The following SGCZ variants were observed in gnomAD, a reference collection of about 807,000 sequenced individuals.
SGCZ encodes zeta-sarcoglycan.
A neutral mutation model predicts 41.3 loss-of-function variants in SGCZ; 40 were observed. The observed-to-expected ratio is 0.97, with a 90% CI of 0.75 to 1.26. The LOEUF is 1.26. Among genes scored for constraint, SGCZ ranks in the 50% most tolerant of loss-of-function variants. The pLI, the probability that SGCZ is intolerant of heterozygous loss-of-function variation, is 0.00. For synonymous variants in SGCZ, 206 were observed against 137.5 expected, an observed-to-expected ratio of 1.50 and a Z score of -3.49; for missense variants, 552 against 369.8, an observed-to-expected ratio of 1.49 and a Z score of -4.04.
chr8:14,357,150 T>C (rs1803329207), intron 2 of SGCZ, among the ~76,000 whole-genome samples: 1 of 152,190 alleles, frequency 6.6e-6, no homozygotes, highest in African/African-American at 2.4e-5. Context: ...ATGTTGATAT[T>C]TTTCAAAAGA....
intron 3 of SGCZ, among the ~76,000 whole-genome samples, chr8:14,244,371 C>A (rs566095431): frequency 2.0e-5 from 3 of 152,166 alleles, no homozygotes; most frequent in Admixed American, 1.3e-4. Flanking sequence ...ATTCATCATC[C>A]CTGTGCCCAA....
intron 2 of SGCZ, among the ~76,000 whole-genome samples, chr8:14,343,960 T>C (rs1802803122): frequency 6.6e-6 from 1 of 152,082 alleles, no homozygotes; most frequent in Non-Finnish European, 1.5e-5. Context: ...AAAATAATTA[T>C]AATTCAAGTA....
intron 1 of SGCZ, among the ~76,000 whole-genome samples, chr8:14,654,051 G>A (rs187949842): frequency 5.9e-5 from 9 of 151,708 alleles, no homozygotes; most frequent in Non-Finnish European, 7.4e-5. Flanking sequence ...TATTATATTC[G>A]CAAAAGTTCC....
At chr8:15,129,657 G>C (rs7814258) in intron 1 of SGCZ, among the ~76,000 whole-genome samples, 16,790 of 141,210 alleles carry the variant, frequency 0.12, 1,018 homozygotes, top group Middle Eastern at 0.19. Flanking sequence ...AGGCGTGTAA[G>C]TGCACTCAAG....
chr8:14,508,730 T>C lies in SGCZ; in HGVS notation c.234+46002A>G, dbSNP rs554996826. ...ACTGGAACAGTAGCAACGTTGGTTG[T>C]CAAGTTTTAGACTAAATTAGTTTTA... On this transcript the variant is annotated intron_variant, in intron 2 of 7. Transcript: ENST00000382080. Among the ~76,000 whole-genome samples the C allele has an allele frequency of 1.1e-4, 16 of 152,314 alleles. No homozygotes were observed. The South Asian group carries it at 2.9e-3, about 28-fold the overall frequency.
At chr8:14,209,601 T>C (rs1373644546) in intron 4 of SGCZ, among the ~76,000 whole-genome samples, 1 of 152,178 alleles carries the variant, frequency 6.6e-6, no homozygotes. Context: ...ATATTTAATA[T>C]AGGACATGTT....
At chr8:14,550,595 G>C (rs1803773609) in intron 2 of SGCZ, among the ~76,000 whole-genome samples, 1 of 151,798 alleles carries the variant, frequency 6.6e-6, no homozygotes, top group Non-Finnish European at 1.5e-5. Flanking sequence ...ATGAACCTTG[G>C]TGTTCAGAAC....
Position 14,893,604 on chromosome 8 carries a change from G to A in SGCZ, c.40-338678C>T, listed in dbSNP as rs183895423. Reference sequence around the variant, plus strand: ...TTATGCTCTGATCGCCATAATTTTAGGAATTTCTCATAAAGCTTTATAAAT... The same window carrying A: ...TTATGCTCTGATCGCCATAATTTTAAGAATTTCTCATAAAGCTTTATAAAT... On this transcript the variant is annotated intron_variant, in intron 1 of 7. Transcript: ENST00000382080. Among the ~76,000 whole-genome samples the A allele has an allele frequency of 6.6e-5, 10 of 152,194 alleles. No individual in the cohort carries two copies. The East Asian group carries it at 1.9e-3, about 29-fold the overall frequency.
chr8:14,355,587 G>C (rs919971519), intron 2 of SGCZ, among the ~76,000 whole-genome samples: 1 of 151,804 alleles, frequency 6.6e-6, no homozygotes, highest in Non-Finnish European at 1.5e-5. Context: ...CTGCTTGACA[G>C]AGTTAATTAA....
rs1012873629 is a variant in SGCZ at position 15,100,966 on chromosome 8, A to G, written c.39+136619T>C. On this transcript the variant is annotated intron_variant, in intron 1 of 7. Transcript: ENST00000382080. ...ACTGTAGCCCAGCTGACAGAGTGAGACCATGTCTCAAAAAAAAAAAAATAC... is the reference window on the plus strand; with the variant it reads ...ACTGTAGCCCAGCTGACAGAGTGAGGCCATGTCTCAAAAAAAAAAAAATAC... Among the ~76,000 whole-genome samples the G allele has an allele frequency of 5.2e-4, 79 of 152,006 alleles. 2 individuals are homozygous for G. The highest frequency in any genetic ancestry group is 1.9e-3 in the African/African-American group (79 of 41,378).
intron 1 of SGCZ, among the ~76,000 whole-genome samples, chr8:15,011,627 G>A (rs1460399044): frequency 1.3e-5 from 2 of 152,034 alleles, no homozygotes; most frequent in African/African-American, 4.8e-5. Context: ...TCTCAATTTT[G>A]AATAAATTCT....
chr8:14,175,604 G>C (rs576332585), intron 4 of SGCZ, among the ~76,000 whole-genome samples: 385 of 151,874 alleles, frequency 2.5e-3, no homozygotes, highest in African/African-American at 8.7e-3. Flanking sequence ...TAAAATAATA[G>C]AAGAATCTAA....
At chr8:14,493,549 G>A (rs546408642) in intron 2 of SGCZ, among the ~76,000 whole-genome samples, 78 of 150,972 alleles carry the variant, frequency 5.2e-4, no homozygotes, top group African/African-American at 1.8e-3. Flanking sequence ...TGTATTTTTA[G>A]TAGAGATGGG....
At chr8:14,427,138 C>T (rs1371737907) in intron 2 of SGCZ, among the ~76,000 whole-genome samples, 1 of 151,420 alleles carries the variant, frequency 6.6e-6, no homozygotes, top group Non-Finnish European at 1.5e-5. Flanking sequence ...TTAATGTGCT[C>T]ATTCAAGTAG....
chr8:14,530,014 T>C (rs1032931381), intron 2 of SGCZ, among the ~76,000 whole-genome samples: 5 of 152,120 alleles, frequency 3.3e-5, no homozygotes, highest in African/African-American at 7.2e-5. Flanking sequence ...TTTAGGCTTT[T>C]AACACATAAA....
chr8:14,907,555 T>C (rs1266313232), intron 1 of SGCZ, among the ~76,000 whole-genome samples: 1 of 152,040 alleles, frequency 6.6e-6, no homozygotes, highest in Non-Finnish European at 1.5e-5. Flanking sequence ...AACTAACTAT[T>C]CTTAATAAAG....
chr8:14,558,928 A>T (rs1278030317), intron 1 of SGCZ, among the ~76,000 whole-genome samples: 1 of 152,088 alleles, frequency 6.6e-6, no homozygotes, highest in Non-Finnish European at 1.5e-5. Context: ...CAAAATTAGC[A>T]TCCCTTTATG....
At chr8:14,468,428 T>C (rs1349555391) in intron 2 of SGCZ, among the ~76,000 whole-genome samples, 2 of 152,122 alleles carry the variant, frequency 1.3e-5, no homozygotes, top group Non-Finnish European at 2.9e-5. Context: ...CTTTCAGGAA[T>C]TATTTTGCAC....
intron 1 of SGCZ, among the ~76,000 whole-genome samples, chr8:14,971,202 C>A (rs11993525): frequency 0.56 from 85,104 of 151,974 alleles, 24,350 homozygotes; most frequent in African/African-American, 0.63. Flanking sequence ...ATGTTAGTTT[C>A]ATGTCTTCTT....
Sources: gnomAD v4.1 joint callset for allele counts (sites outside exome capture counted in the v4.1 genomes callset) on GRCh38, gnomAD v4.1.1 for gene constraint, MANE v1.5 for transcripts, NCBI Gene and HGNC (gene_info 2026-07-23, HGNC 2026-07-21) for gene names.